CACNA1F: variants seen among roughly 807,000 people sequenced by gnomAD.
The protein encoded by CACNA1F is calcium voltage-gated channel subunit alpha1 F, also known as voltage-dependent L-type calcium channel subunit alpha-1F.
Under a neutral mutation model 143.8 loss-of-function variants are expected in CACNA1F, and 59 were observed. The ratio of observed to expected loss-of-function variants is 0.41; its 90% confidence interval spans 0.33 to 0.51. The LOEUF (loss-of-function observed/expected upper bound fraction) is 0.51. Among genes scored for constraint, CACNA1F ranks in the 20% least tolerant of loss-of-function variants. The pLI is 0.22. For synonymous variants in CACNA1F, 643 were observed against 649.1 expected (o/e 0.99, Z 0.14); for missense variants, 1,411 against 1,647.5 (o/e 0.86, Z 2.48).
Position 49,205,068 on chromosome X carries a change from T to C in CACNA1F, c.*69A>G. ...AAGACAACAAAATCCAGGGATGTGGTCCATGCCTGCCTCCTGCTGGGGAGG... is the reference window on the plus strand; with the variant it reads ...AAGACAACAAAATCCAGGGATGTGGCCCATGCCTGCCTCCTGCTGGGGAGG... On this transcript the variant is annotated 3_prime_UTR_variant, in exon 48 of 48. Transcript: ENST00000323022. 1 of 845,249 alleles carries C rather than the reference T, an allele frequency of 1.2e-6. No homozygotes were observed. The highest frequency in any genetic ancestry group is 2.1e-5 in the South Asian group (1 of 46,780). The allele number at this position is 845,249 out of a possible 1,213,427, so 69.7% of individuals were successfully genotyped here. A position where few individuals can be genotyped will look rare whatever the true frequency, so the allele number is the denominator to read the frequency against.
At chrX:49,220,432 C>T in intron 19 of CACNA1F, 41 bp downstream of exon 19, 8 of 1,119,214 alleles carry the variant, frequency 7.1e-6, no homozygotes, top group Non-Finnish European at 9.8e-6. Context: ...AGCTCTTTCC[C>T]CAAGGTCCCA....
Position 49,205,667 on chromosome X carries a change from G to A in CACNA1F, c.5619C>T (p.His1873=). The A allele has an allele frequency of 5.0e-6, 6 of 1,203,138 alleles. No homozygotes were observed. The highest frequency in any genetic ancestry group is 3.0e-5 in the East Asian group (1 of 33,494). The part of the protein sequence containing the change: ...TFTCLHVPGT[H]SDPSHGKRGS... The stretch of plus-strand genomic sequence containing the variant: ...CCCTCTTCCCATGGCTGGGGTCCGA[G>A]TGGGTTCCAGGCACGTGCAGACAGG... Residue 1873 remains histidine, a synonymous_variant, in exon 47 of 48, where the codon CAC becomes CAT. Coordinates refer to ENST00000323022, the MANE Select transcript of CACNA1F (RefSeq NM_001256789.3).
rs782153357 is a variant in CACNA1F at position 49,208,550 on chromosome X, C to A, written c.5088G>T (p.Gln1696His). 8.3e-7 allele frequency: 1 copy of A among 1,210,000 alleles called. No homozygotes were observed. Among genetic ancestry groups the A allele is most frequent in the East Asian group, 3.0e-5 (1 of 33,784 alleles). Residue 1696 changes from glutamine (Q) to histidine (H), a missense_variant, in exon 43 of 48, where the codon CAG becomes CAT. Physicochemically the swap from Gln to His is conservative, Grantham distance 24 (BLOSUM62 0). Coordinates refer to ENST00000323022, the MANE Select transcript of CACNA1F (RefSeq NM_001256789.3). ...TGGATCCAGCCTGGGGCACACTGGG[C>A]TGACTGGAGGTGGGAGTCCCCCTGT... ...DDDRGTPTSS[Q>H]PSVPQAGSNT... is the part of the protein sequence containing the mutation.
Position 49,222,333 on chromosome X carries a change from C to T in CACNA1F, c.2288+189G>A. ...TTGACCCCTGTTGTCTCCTCAGCAT[C>T]TAGAACAGGACCTGGCACACAGTAG... On this transcript the variant is annotated intron_variant, in intron 17 of 47. Transcript: ENST00000323022. 8.7e-6 allele frequency: 4 copies of T among 461,634 alleles called. No homozygotes were observed. The South Asian group carries it at 9.3e-5, about 11-fold the overall frequency. The allele number at this position is 461,634 out of a possible 1,213,427, so 38.0% of individuals were successfully genotyped here. A position where few individuals can be genotyped will look rare whatever the true frequency, so the allele number is the denominator to read the frequency against.
chrX:49,216,442 T>G lies in CACNA1F; in HGVS notation c.3176A>C (p.Asp1059Ala). 1 of 1,209,802 alleles carries G rather than the reference T, an allele frequency of 8.3e-7. No individual in the cohort carries two copies. Among genetic ancestry groups the G allele is most frequent in the Non-Finnish European group, 1.1e-6 (1 of 894,169 alleles). The change falls in exon 27 of 48, where the codon GAC becomes GCC. Residue 1059 changes from aspartate (D) to alanine (A), a missense_variant. By Grantham distance (126) the Asp-to-Ala change is moderately radical. This residue lies in a region of CACNA1F where 950 missense variants were observed against 1,128.1 expected (regional missense o/e 0.84). Coordinates refer to ENST00000323022, the MANE Select transcript of CACNA1F (RefSeq NM_001256789.3). ...RLWVNSDFNFDNVLSAMMALF... is the reference protein window; with the variant it reads ...RLWVNSDFNFANVLSAMMALF... The stretch of plus-strand genomic sequence containing the variant: ...GGCCATCATGGCTGAAAGGACATTG[T>G]CAAAGTTGAAATCACTGTTGACCCA...
Position 49,224,958 on chromosome X carries a change from C to A in CACNA1F, c.1680G>T (p.Leu560=). The A allele has an allele frequency of 8.3e-7, 1 of 1,200,179 alleles. No individual in the cohort carries two copies. Among genetic ancestry groups the A allele is most frequent in the Non-Finnish European group, 1.1e-6 (1 of 886,475 alleles). ...QEYANKVLLC[L]FTVEMLLKLY... ...ATTTGAGAAGCATCTCCACCGTGAA[C>A]AGACAGAGCAACACTTTGTTGGCAT... is the stretch of plus-strand genomic sequence containing the variant. Residue 560 remains leucine, a synonymous_variant, in exon 14 of 48, where the codon CTG becomes CTT. Coordinates refer to ENST00000323022, the MANE Select transcript of CACNA1F (RefSeq NM_001256789.3).
At chrX:49,226,529 A>G in intron 10 of CACNA1F, 27 bp from the exon 11 acceptor site, 1 of 1,163,440 alleles carries the variant, frequency 8.6e-7, no homozygotes, top group Non-Finnish European at 1.2e-6. Context: ...GATAGTGGTC[A>G]GGACCTGAAG....
At position 49,232,018 on chromosome X, in the gene CACNA1F, G is replaced by A. The variant is rs2065884236; in HGVS notation, c.26-91C>T. 7.4e-6 allele frequency: 7 copies of A among 942,111 alleles called. No homozygotes were observed. The South Asian group carries it at 1.7e-4, about 23-fold the overall frequency. 77.6% of individuals were successfully genotyped at this position (942,111 alleles called of 1,213,427 possible). A position where few individuals can be genotyped will look rare whatever the true frequency, so the allele number is the denominator to read the frequency against. On this transcript the variant is annotated intron_variant, in intron 1 of 47. Transcript: ENST00000323022. Reference sequence around the variant, plus strand: ...ATCCTGTCCCTCTGTTTGAAGGAAGGAGAGAAGAGCATGGAAAATTAGGGA... The same window carrying A: ...ATCCTGTCCCTCTGTTTGAAGGAAGAAGAGAAGAGCATGGAAAATTAGGGA...
chrX:49,217,694 G>T, intron 26 of CACNA1F, 61 bp downstream of exon 26: 1 of 974,045 alleles, frequency 1.0e-6, no homozygotes, highest in Non-Finnish European at 1.5e-6. Context: ...GAGATCTAGA[G>T]GCTCTAAAGT....
In CACNA1F at chrX:49,215,452, T is replaced by C. The variant is rs2065703275; in HGVS notation, c.3328A>G (p.Ile1110Val). 1.4e-5 allele frequency: 17 copies of C among 1,201,434 alleles called. No homozygotes were observed. Among genetic ancestry groups the C allele is most frequent in the African/African-American group, 1.8e-5 (1 of 56,053 alleles). ...VEISVFFIVY[I>V]IIIAFFMMNI... ...ATCATGAAGAACGCAATGATGATGA[T>C]GTAGACAATGAAGAACACTGAGATC... Residue 1110 changes from isoleucine to valine, a missense_variant, in exon 28 of 48, where the codon ATC (isoleucine) becomes GTC (valine). Coordinates refer to ENST00000323022, the MANE Select transcript of CACNA1F (RefSeq NM_001256789.3).
In CACNA1F at chrX:49,205,635, G is replaced by C; in HGVS notation, c.5651C>G (p.Ala1884Gly). 1.7e-6 allele frequency: 2 copies of C among 1,204,336 alleles called. No homozygotes were observed. The highest frequency in any genetic ancestry group is 2.2e-6 in the Non-Finnish European group (2 of 891,451). ...ACTCACAGCCTCCACCAAGCTGTCG[G>C]CACTGCCCCTCTTCCCATGGCTGGG... ...SDPSHGKRGS[A>G]DSLVEAVLIS... is the part of the protein sequence containing the mutation. Residue 1884 changes from alanine to glycine, a missense_variant, in exon 47 of 48, where the codon GCC (alanine) becomes GGC (glycine). Physicochemically the swap from Ala to Gly is moderately conservative, Grantham distance 60. Coordinates refer to ENST00000323022, the MANE Select transcript of CACNA1F (RefSeq NM_001256789.3).
Position 49,218,353 on chromosome X carries a change from G to A in CACNA1F, c.2928+102C>T, listed in dbSNP as rs1226389126. The A allele has an allele frequency of 1.4e-5, 9 of 642,496 alleles. No homozygotes were observed. In the East Asian group the frequency reaches 1.4e-4, roughly 10 times the overall value. The allele number at this position is 642,496 out of a possible 1,213,427, so 52.9% of individuals were successfully genotyped here. ...TGTATTTATGTGTCAGGTCCAGGCC[G>A]TATGGTCATGCATCCGTGCAAATGG... On this transcript the variant is annotated intron_variant, in intron 24 of 47. Coordinates refer to ENST00000323022, the MANE Select transcript of CACNA1F (RefSeq NM_001256789.3).
At chrX:49,226,758 A>C (rs1316233502) in intron 9 of CACNA1F, 56 bp from the exon 10 acceptor site, 10 of 1,045,862 alleles carry the variant, frequency 9.6e-6, no homozygotes, top group Non-Finnish European at 1.3e-5. Flanking sequence ...GGTTAGGGCC[A>C]TGTCTAGGGT....
intron 13 of CACNA1F, among the ~76,000 whole-genome samples, chrX:49,225,510 A>G (rs1023534701): frequency 1.8e-5 from 2 of 110,947 alleles, no homozygotes; most frequent in African/African-American, 3.3e-5. Flanking sequence ...ACTTTTCCAG[A>G]CAGTGTGATG....
chrX:49,220,976 A>C (rs782359903), intron 18 of CACNA1F, 59 bp downstream of exon 18: 1 of 940,717 alleles, frequency 1.1e-6, no homozygotes, highest in South Asian at 2.0e-5. Flanking sequence ...AGATATGCAC[A>C]CATAGACAGG....
intron 46 of CACNA1F, 52 bp downstream of exon 46, chrX:49,206,459 C>T (rs1022149395): frequency 2.8e-6 from 2 of 723,623 alleles, no homozygotes; most frequent in Admixed American, 2.3e-5. Context: ...TCAGCCTAGG[C>T]TGCCCCCATC....
In CACNA1F at chrX:49,219,809, A is replaced by C. The variant is rs781814301; in HGVS notation, c.2387-19T>G. On this transcript the variant is annotated intron_variant, in intron 19 of 47. Coordinates refer to ENST00000323022, the MANE Select transcript of CACNA1F (RefSeq NM_001256789.3). Reference sequence around the variant, plus strand: ...TCCATGTCTGGCACCAGAGAAAAGCAAAAAAAAATTAATTGAGCAAGTTGA... The same window carrying C: ...TCCATGTCTGGCACCAGAGAAAAGCCAAAAAAAATTAATTGAGCAAGTTGA... The C allele has an allele frequency of 1.9e-5, 17 of 895,630 alleles. No individual in the cohort carries two copies. Among genetic ancestry groups the C allele is most frequent in the Non-Finnish European group, 2.2e-5 (14 of 643,362 alleles). 73.8% of individuals were successfully genotyped at this position (895,630 alleles called of 1,213,427 possible).
chrX:49,214,002 G>A (rs782478315), intron 30 of CACNA1F, 100 bp from the exon 31 acceptor site: 15 of 660,014 alleles, frequency 2.3e-5, no homozygotes, highest in East Asian at 1.4e-4. Flanking sequence ...GCAGGGCTTC[G>A]CTTGGATCAC....
In CACNA1F at chrX:49,222,438, C is replaced by T; in HGVS notation, c.2288+84G>A. ...TGGGGATTACCAGGGTGACTAGAGG[C>T]ATCTCTGGTGGTGGGGGTGTCTGAG... On this transcript the variant is annotated intron_variant, in intron 17 of 47. Coordinates refer to ENST00000323022, the MANE Select transcript of CACNA1F (RefSeq NM_001256789.3). 5.5e-6 allele frequency: 4 copies of T among 723,633 alleles called. No individual in the cohort carries two copies. In the Admixed American group the frequency reaches 1.0e-4, roughly 19 times the overall value. 59.6% of individuals were successfully genotyped at this position (723,633 alleles called of 1,213,427 possible). A position where few individuals can be genotyped will look rare whatever the true frequency, so the allele number is the denominator to read the frequency against.
Sources: gnomAD v4.1 joint callset for allele counts (sites outside exome capture counted in the v4.1 genomes callset) on GRCh38, gnomAD v4.1.1 for gene constraint, gnomAD v4.1.1 regional missense constraint, MANE v1.5 for transcripts, NCBI Gene and HGNC (gene_info 2026-07-23, HGNC 2026-07-21) for gene names.